Variants in PCDHGA3 observed in about 807,000 individuals in gnomAD.
PCDHGA3 encodes the protein protocadherin gamma subfamily A, 3.
PCDHGA3 carries 40 observed loss-of-function variants against 58.5 expected under a neutral mutation model. That is an observed-to-expected ratio of 0.68 (90% CI 0.53 to 0.89). PCDHGA3 has a LOEUF of 0.89. PCDHGA3 is among the 40% of genes least tolerant of loss of function. The pLI, the probability that PCDHGA3 is intolerant of heterozygous loss-of-function variation, is 0.00. For synonymous variants in PCDHGA3, 530 were observed against 525.7 expected, an observed-to-expected ratio of 1.01 and a Z score of -0.11; for missense variants, 1,223 against 1,195.9, an observed-to-expected ratio of 1.02 and a Z score of -0.33.
intron 1 of PCDHGA3, among the ~76,000 whole-genome samples, chr5:141,438,976 C>T (rs2098079529): frequency 6.6e-6 from 1 of 151,928 alleles, no homozygotes; most frequent in Non-Finnish European, 1.5e-5. Context: ...AACTGTCTGA[C>T]TTATCTTAAA....
At chr5:141,378,196 A>T (rs1197830416) in intron 1 of PCDHGA3, 1 of 152,188 alleles carries the variant, frequency 6.6e-6, no homozygotes, top group Non-Finnish European at 1.5e-5. Flanking sequence ...TGCCTACTAC[A>T]GTGTCTTTTG....
chr5:141,416,130 C>T (rs907950687), intron 1 of PCDHGA3: 1 of 154,098 alleles, frequency 6.5e-6, no homozygotes, highest in African/African-American at 2.4e-5. Context: ...ATATATTTTT[C>T]AATCTATACT....
intron 1 of PCDHGA3, chr5:141,421,458 T>C (rs2096575080): frequency 6.2e-7 from 1 of 1,614,122 alleles, no homozygotes; most frequent in Non-Finnish European, 8.5e-7. Flanking sequence ...AGCTTTTCGC[T>C]GTGAATCCGC....
In PCDHGA3 at chr5:141,432,296, G is replaced by T; in HGVS notation, c.2425-62511G>T. On this transcript the variant is annotated intron_variant, in intron 1 of 3. Coordinates refer to ENST00000253812, the MANE Select transcript of PCDHGA3 (RefSeq NM_018916.4). This position sits in a 1 kb window ranked among gnomAD's most constrained non-coding sequence, Gnocchi z 6.0. ...CGTGTCCATCAACTCCGACACTGGG[G>T]TACTGTATGCGCTGAGCTCCTTCGA... 1 of 1,614,224 alleles carries T rather than the reference G, an allele frequency of 6.2e-7. No individual in the cohort carries two copies. Among genetic ancestry groups the T allele is most frequent in the Non-Finnish European group, 8.5e-7 (1 of 1,180,044 alleles).
At chr5:141,381,826 C>CTTTTTTTTTTTTTTTTTTTTTTTTCTTT (rs770630741) in intron 1 of PCDHGA3, among the ~76,000 whole-genome samples, 1 of 74,284 alleles carries the variant, frequency 1.3e-5, no homozygotes, top group Non-Finnish European at 2.4e-5. Context: ...CTTTCTTCTT[C>CTTTTTTTTTTTTTTTTTTTTTTTTCTTT]TTTTTTTTTT....
chr5:141,422,165 A>G (rs771382434), intron 1 of PCDHGA3: 3 of 1,569,306 alleles, frequency 1.9e-6, no homozygotes, highest in Admixed American at 4.0e-5. Flanking sequence ...TTTGAAAAAT[A>G]TAGATTCTAT....
chr5:141,375,123 T>C, intron 1 of PCDHGA3: 2 of 1,613,914 alleles, frequency 1.2e-6, no homozygotes. Context: ...GTACCAGAAG[T>C]GGTTGTTACA....
rs1224324973 is a variant in PCDHGA3, at chr5:141,345,212, G to A, written c.1179G>A (p.Lys393=). ...TTGTCCTGGGAAATCTGCCATTTAAGTTAGAAAAATCAATAGATCAATATT... is the reference window on the plus strand; with the variant it reads ...TTGTCCTGGGAAATCTGCCATTTAAATTAGAAAAATCAATAGATCAATATT... ...EVFVLGNLPF[K]LEKSIDQYYR... The change falls in exon 1 of 4, where the codon AAG becomes AAA. Residue 393 remains lysine, a synonymous_variant. Transcript: ENST00000253812. 6 of 1,613,956 alleles carry A rather than the reference G, an allele frequency of 3.7e-6. No individual in the cohort carries two copies. The highest frequency in any genetic ancestry group is 3.3e-4 in the Middle Eastern group (2 of 6,060).
Position 141,368,541 on chromosome 5 carries a change from T to A in PCDHGA3, c.2424+22084T>A, listed in dbSNP as rs544013276. Among the ~76,000 whole-genome samples, 312 of 152,078 alleles carry A rather than the reference T, an allele frequency of 2.1e-3. 1 individual carries two copies. Among genetic ancestry groups the A allele is most frequent in the Middle Eastern group, 0.01 (3 of 292 alleles). On this transcript the variant is annotated intron_variant, in intron 1 of 3. Transcript: ENST00000253812. ...TCCTATGTGAAAACTTGCTTTTCCA[T>A]TTTTTTTAAAAGAAAATGTTATATG...
intron 1 of PCDHGA3, among the ~76,000 whole-genome samples, chr5:141,347,137 C>CTCTTTCTTTCTTCCTT (rs1757891658): frequency 8.8e-6 from 1 of 113,744 alleles, no homozygotes; most frequent in Non-Finnish European, 1.7e-5. Context: ...CTCTGTTTCT[C>CTCTTTCTTTCTTCCTT]TCTTTCTTTC....
Position 141,344,224 on chromosome 5 carries a change from T to C in PCDHGA3, c.191T>C (p.Val64Ala). 1.2e-6 allele frequency: 2 copies of C among 1,613,948 alleles called. No individual in the cohort carries two copies. The highest frequency in any genetic ancestry group is 1.7e-6 in the Non-Finnish European group (2 of 1,179,892). Residue 64 changes from valine (V) to alanine (A), a missense_variant, in exon 1 of 4, where the codon GTC (valine) becomes GCC (alanine). Val to Ala is a moderately conservative substitution (Grantham distance 64). This residue lies in a region of PCDHGA3 where 791 missense variants were observed against 708.5 expected (regional missense o/e 1.12). Coordinates refer to ENST00000253812, the MANE Select transcript of PCDHGA3 (RefSeq NM_018916.4). ...LEPRELAERGVRIVSRGRTQL... is the reference protein window; with the variant it reads ...LEPRELAERGARIVSRGRTQL... Reference sequence around the variant, plus strand: ...CCCCGGGAGCTGGCGGAGCGCGGAGTCCGCATCGTCTCCAGAGGTAGGACG... The same window carrying C: ...CCCCGGGAGCTGGCGGAGCGCGGAGCCCGCATCGTCTCCAGAGGTAGGACG...
intron 1 of PCDHGA3, among the ~76,000 whole-genome samples, chr5:141,494,568 C>T (rs2099755322): frequency 6.6e-6 from 1 of 152,138 alleles, no homozygotes; most frequent in African/African-American, 2.4e-5. Context: ...GGAAAGGAGT[C>T]TCAGCTTGCT....
intron 2 of PCDHGA3, among the ~76,000 whole-genome samples, chr5:141,498,944 A>G (rs1249475504): frequency 7.2e-6 from 1 of 139,096 alleles, no homozygotes; most frequent in Non-Finnish European, 1.6e-5. Flanking sequence ...AAAGAAAGAA[A>G]GAAAAAGAGA....
chr5:141,366,198 C>T (rs187196267), intron 1 of PCDHGA3: 35 of 1,613,892 alleles, frequency 2.2e-5, no homozygotes, highest in African/African-American at 2.7e-5. Flanking sequence ...GGGCTGCACA[C>T]GGGCGAGGTG....
chr5:141,494,701 C>G, intron 1 of PCDHGA3, 106 bp from the exon 2 acceptor site: 1 of 1,594,596 alleles, frequency 6.3e-7, no homozygotes, highest in Non-Finnish European at 8.6e-7. Context: ...CCGTTTTCTT[C>G]TCTGTGCCCA....
Position 141,345,669 on chromosome 5 carries a change from G to C in PCDHGA3, c.1636G>C (p.Val546Leu), listed in dbSNP as rs757229307. ...CGGGAACCCTCCACTCAGCAGCAAC[G>C]TGTCGCTGAACCTGTTCGTGCTGGA... ...DSGNPPLSSN[V>L]SLNLFVLDQN... is the part of the protein sequence containing the mutation. Residue 546 changes from valine (V) to leucine (L), a missense_variant, in exon 1 of 4, where the codon GTG (valine) becomes CTG (leucine). By Grantham distance (32) the Val-to-Leu change is conservative. Transcript: ENST00000253812. 3 of 1,614,204 alleles carry C rather than the reference G, an allele frequency of 1.9e-6. No homozygotes were observed. In the Admixed American group the frequency reaches 5.0e-5, roughly 27 times the overall value.
rs553440220 is a variant in PCDHGA3, at chr5:141,362,413, T to C, written c.2424+15956T>C. 178 of 1,614,024 alleles carry C rather than the reference T, an allele frequency of 1.1e-4. No homozygotes were observed. The highest frequency in any genetic ancestry group is 1.4e-4 in the Non-Finnish European group (170 of 1,179,892). On this transcript the variant is annotated intron_variant, in intron 1 of 3. Coordinates refer to ENST00000253812, the MANE Select transcript of PCDHGA3 (RefSeq NM_018916.4). Reference sequence around the variant, plus strand: ...CTACAACCTGTGTGTTGCCTCACAATCAGCCAAGACAGAGTTCAATTTTCT... The same window carrying C: ...CTACAACCTGTGTGTTGCCTCACAACCAGCCAAGACAGAGTTCAATTTTCT...
At chr5:141,428,008 T>C (rs2097099623) in intron 1 of PCDHGA3, 4 of 1,601,848 alleles carry the variant, frequency 2.5e-6, no homozygotes, top group Admixed American at 3.3e-5. Context: ...CTCTTCGATA[T>C]AGTGCCACGC....
intron 1 of PCDHGA3, among the ~76,000 whole-genome samples, chr5:141,469,967 C>G (rs2099217411): frequency 6.6e-6 from 1 of 152,124 alleles, no homozygotes; most frequent in Admixed American, 6.6e-5. Flanking sequence ...CCCATCTGTA[C>G]CAAAAATACA....
Sources: gnomAD v4.1 joint callset for allele counts (sites outside exome capture counted in the v4.1 genomes callset) on GRCh38, gnomAD v4.1.1 for gene constraint, gnomAD v4.1.1 regional missense constraint, Gnocchi (gnomAD v3.1) non-coding constraint, MANE v1.5 for transcripts, NCBI Gene and HGNC (gene_info 2026-07-23, HGNC 2026-07-21) for gene names.